Variants in NDUFA10 observed in about 807,000 individuals in gnomAD.
NDUFA10 encodes NADH:ubiquinone oxidoreductase subunit A10.
NDUFA10 carries 40 observed loss-of-function variants against 47.8 expected under a neutral mutation model. The observed-to-expected ratio is 0.84, with a 90% confidence interval of 0.65 to 1.09. NDUFA10 has a LOEUF of 1.09. Ranked by LOEUF, NDUFA10 falls within the 50% of genes least tolerant of loss-of-function variation. The probability of loss-of-function intolerance (pLI) is 0.00; values close to 1 mark genes in which losing one functional copy is unlikely to be tolerated. For synonymous variants in NDUFA10, 183 were observed against 172.2 expected, an observed-to-expected ratio of 1.06 and a Z score of -0.49; for missense variants, 413 against 451.1, an observed-to-expected ratio of 0.92 and a Z score of 0.76.
In NDUFA10 at chr2:239,946,256, T is replaced by C. The variant is rs925579250; in HGVS notation, c.294+43818A>G. On this transcript the variant is annotated intron_variant, in intron 4 of 5. Coordinates refer to the NDUFA10 transcript ENST00000419408. ...AAGCCACTCAAATCCCAGGTGGTCATGAGCCCTGCACTCCATACCACAGCT... is the reference window on the plus strand; with the variant it reads ...AAGCCACTCAAATCCCAGGTGGTCACGAGCCCTGCACTCCATACCACAGCT... Among the ~76,000 whole-genome samples the C allele has an allele frequency of 3.3e-5, 5 of 152,186 alleles. No individual in the cohort carries two copies. The East Asian group carries it at 7.7e-4, about 24-fold the overall frequency.
At chr2:239,932,722 G>GGC (rs1694196706) in intron 4 of NDUFA10, among the ~76,000 whole-genome samples, 1 of 152,084 alleles carries the variant, frequency 6.6e-6, no homozygotes, top group Non-Finnish European at 1.5e-5. Flanking sequence ...TGGGACTACA[G>GGC]GCATCCGCCA....
intron 4 of NDUFA10, among the ~76,000 whole-genome samples, chr2:239,951,423 C>T (rs978182794): frequency 1.3e-5 from 2 of 152,198 alleles, no homozygotes; most frequent in Non-Finnish European, 2.9e-5. Context: ...CAGGGTCTAA[C>T]GAGGCCGTTT....
At chr2:239,972,137 ATGTG>A (rs4149568) in intron 9 of NDUFA10, among the ~76,000 whole-genome samples, 22,053 of 150,444 alleles carry the variant, frequency 0.15, 1,652 homozygotes, top group East Asian at 0.2. Flanking sequence ...TTCATGAAGG[ATGTG>A]TGTGTGTGTG....
chr2:239,956,436 T>G (rs190000192), downstream of NDUFA10, among the ~76,000 whole-genome samples: 2 of 152,278 alleles, frequency 1.3e-5, no homozygotes, highest in African/African-American at 2.4e-5. Context: ...CCGCTCCTCT[T>G]ACAACGTCTA....
At chr2:239,979,854 C>T (rs563812757) in intron 9 of NDUFA10, among the ~76,000 whole-genome samples, 6 of 152,240 alleles carry the variant, frequency 3.9e-5, no homozygotes, top group African/African-American at 1.4e-4. Flanking sequence ...TGGCCTGCTG[C>T]CTTTTCAGCT....
At chr2:239,995,136 T>C (rs1010577713) in intron 8 of NDUFA10, among the ~76,000 whole-genome samples, 2 of 152,032 alleles carry the variant, frequency 1.3e-5, no homozygotes, top group African/African-American at 4.8e-5. Flanking sequence ...TAGCCAGGTG[T>C]GGTGGTGCAC....
At chr2:239,899,354 A>G (rs1307339007) in intron 4 of NDUFA10, among the ~76,000 whole-genome samples, 10 of 60,322 alleles carry the variant, frequency 1.7e-4, no homozygotes, top group African/African-American at 5.5e-4. Flanking sequence ...GAGGGGTGTG[A>G]TGGAGGAGTG....
intron 8 of NDUFA10, among the ~76,000 whole-genome samples, chr2:239,993,433 T>C (rs1420506385): frequency 2.0e-5 from 3 of 152,170 alleles, no homozygotes; most frequent in Non-Finnish European, 4.4e-5. Context: ...TAAAGACTGC[T>C]AGGATTTCTA....
intron 4 of NDUFA10, among the ~76,000 whole-genome samples, chr2:239,897,409 G>A (rs5004930): frequency 0.13 from 19,247 of 151,664 alleles, 1,336 homozygotes; most frequent in South Asian, 0.18. Flanking sequence ...TTTTCTTGAA[G>A]TGAAAAAAAA....
chr2:240,006,083 T>C (rs1696938095), intron 7 of NDUFA10, among the ~76,000 whole-genome samples: 1 of 152,144 alleles, frequency 6.6e-6, no homozygotes, highest in South Asian at 2.1e-4. Flanking sequence ...CCATACGCAT[T>C]CTCTCCTCAC....
At chr2:239,982,907 C>T (rs2106431048) in intron 9 of NDUFA10, among the ~76,000 whole-genome samples, 2 of 152,318 alleles carry the variant, frequency 1.3e-5, no homozygotes, top group East Asian at 1.9e-4. Context: ...AGCTGTCTGT[C>T]GGGTGGCCAG....
chr2:240,021,422 G>GA lies in NDUFA10; in HGVS notation c.245-11dup, dbSNP rs762572806. On this transcript the variant is annotated splice_polypyrimidine_tract_variant and intron_variant, in intron 2 of 9. Transcript: ENST00000252711. Reference sequence around the variant, plus strand: ...GGAAAGTGCTTGAAGCCTGAAAAGAGAAACAGTCGGATGCAGTCTGATGCA... The same window carrying GA: ...GGAAAGTGCTTGAAGCCTGAAAAGAGAAAACAGTCGGATGCAGTCTGATGCA... 20 of 1,611,902 alleles carry GA rather than the reference G, an allele frequency of 1.2e-5. No individual in the cohort carries two copies. The African/African-American group carries it at 2.7e-4, about 22-fold the overall frequency.
At chr2:239,926,442 C>A (rs1694067255) in intron 4 of NDUFA10, among the ~76,000 whole-genome samples, 1 of 152,186 alleles carries the variant, frequency 6.6e-6, no homozygotes, top group Non-Finnish European at 1.5e-5. Context: ...CATAGCTTGT[C>A]TGTGATGAGG....
At chr2:239,930,327 T>C (rs1368499535) in intron 4 of NDUFA10, among the ~76,000 whole-genome samples, 1 of 152,054 alleles carries the variant, frequency 6.6e-6, no homozygotes, top group Non-Finnish European at 1.5e-5. Context: ...GCTCTGACCT[T>C]TGCCATGACC....
At chr2:239,941,781 C>G (rs1468906768) in intron 4 of NDUFA10, among the ~76,000 whole-genome samples, 1 of 151,876 alleles carries the variant, frequency 6.6e-6, no homozygotes, top group Non-Finnish European at 1.5e-5. Flanking sequence ...TTCCAAATTC[C>G]TCTCTTCAGA....
At position 239,938,205 on chromosome 2, in the gene NDUFA10, G is replaced by T. The variant is rs531217920; in HGVS notation, c.295-42891C>A. Among the ~76,000 whole-genome samples, 4 of 152,308 alleles carry T rather than the reference G, an allele frequency of 2.6e-5. No individual in the cohort carries two copies. In the East Asian group the frequency reaches 7.7e-4, roughly 29 times the overall value. On this transcript the variant is annotated intron_variant, in intron 4 of 5. Coordinates refer to the NDUFA10 transcript ENST00000419408. ...TCAGTTTCTCCATCTGCAAATGGGG[G>T]TGATAACAGCATGTAGCTCACAGCA...
chr2:239,990,861 A>C (rs1696216414), intron 8 of NDUFA10, among the ~76,000 whole-genome samples: 1 of 152,218 alleles, frequency 6.6e-6, no homozygotes, highest in Admixed American at 6.5e-5. Context: ...TCTGAATATA[A>C]CCACTATACT....
intron 4 of NDUFA10, among the ~76,000 whole-genome samples, chr2:239,927,185 G>C (rs961594372): frequency 6.6e-6 from 1 of 152,134 alleles, no homozygotes; most frequent in African/African-American, 2.4e-5. Flanking sequence ...GTGTGCATTT[G>C]TGCCTTAGTA....
Position 239,981,223 on chromosome 2 carries a change from C to A in NDUFA10, c.999+8851G>T, listed in dbSNP as rs552650924. On this transcript the variant is annotated intron_variant, in intron 9 of 9. Transcript: ENST00000252711. Reference sequence around the variant, plus strand: ...GGCATCCTGTACTTCATCTGGCAACCTGACTCAGGAGGGACCCACTCTCAC... The same window carrying A: ...GGCATCCTGTACTTCATCTGGCAACATGACTCAGGAGGGACCCACTCTCAC... 2.6e-5 allele frequency among the ~76,000 whole-genome samples: 4 copies of A among 152,316 alleles called. No individual in the cohort carries two copies. In the East Asian group the frequency reaches 7.7e-4, roughly 29 times the overall value.
Sources: allele counts gnomAD v4.1 joint callset (sites outside exome capture counted in the v4.1 genomes callset), GRCh38; gene constraint gnomAD v4.1.1; transcripts MANE v1.5; gene names NCBI Gene and HGNC (gene_info 2026-07-23, HGNC 2026-07-21).